TTC28: variants seen among roughly 807,000 people sequenced by gnomAD.
TTC28 encodes tetratricopeptide repeat protein 28.
Under a neutral mutation model 198.0 loss-of-function variants are expected in TTC28, and 61 were observed. The ratio of observed to expected loss-of-function variants is 0.31; its 90% CI spans 0.25 to 0.38. The LOEUF (loss-of-function observed/expected upper bound fraction) is 0.38, where lower values mean the gene tolerates loss of function less well. TTC28 is among the 10% of genes least tolerant of loss of function. TTC28 has a pLI of 1.00. For missense variants in TTC28, 2,678 were observed against 3,164.0 expected (o/e 0.85, Z 3.69); for synonymous variants, 1,171 against 1,297.8 (o/e 0.90, Z 2.10).
intron 5 of TTC28, among the ~76,000 whole-genome samples, chr22:28,210,448 C>G (rs1462404890): frequency 6.6e-6 from 1 of 152,046 alleles, no homozygotes; most frequent in East Asian, 1.9e-4. Flanking sequence ...CCTTAAATGA[C>G]CTGATGGAGC....
At chr22:28,554,099 T>A (rs1418542209) in intron 2 of TTC28, among the ~76,000 whole-genome samples, 1 of 152,190 alleles carries the variant, frequency 6.6e-6, no homozygotes, top group African/African-American at 2.4e-5. Context: ...CTCTGAAACA[T>A]GTGCTGTGTC....
At chr22:28,179,820 A>C (rs147561343) in intron 5 of TTC28, among the ~76,000 whole-genome samples, 1 of 152,260 alleles carries the variant, frequency 6.6e-6, no homozygotes, top group African/African-American at 2.4e-5. Flanking sequence ...GACCAATACA[A>C]TACTGAGCAT....
At chr22:28,361,324 T>C (rs1252376365) in intron 2 of TTC28, among the ~76,000 whole-genome samples, 1 of 152,182 alleles carries the variant, frequency 6.6e-6, no homozygotes, top group Non-Finnish European at 1.5e-5. Flanking sequence ...AGTGCTACTC[T>C]GGTGAACACA....
intron 12 of TTC28, among the ~76,000 whole-genome samples, chr22:28,088,261 T>G (rs1037276667): frequency 6.6e-6 from 1 of 152,110 alleles, no homozygotes; most frequent in Non-Finnish European, 1.5e-5. Flanking sequence ...GACTTCCAAC[T>G]ATACTACAAG....
chr22:28,492,143 G>A (rs1013885175), intron 2 of TTC28, among the ~76,000 whole-genome samples: 9 of 152,092 alleles, frequency 5.9e-5, no homozygotes, highest in African/African-American at 1.9e-4. Context: ...GATAGCATTA[G>A]GAGATATACC....
chr22:28,080,570 T>C (rs1010820349), intron 12 of TTC28, among the ~76,000 whole-genome samples: 4 of 151,000 alleles, frequency 2.6e-5, no homozygotes, highest in Non-Finnish European at 5.9e-5. Context: ...GTTGTAGGAG[T>C]TTTTATATAT....
In TTC28 at chr22:28,252,383, A is replaced by T. The variant is rs139785714; in HGVS notation, c.933+43815T>A. Among the ~76,000 whole-genome samples, 463 of 152,334 alleles carry T rather than the reference A, an allele frequency of 3.0e-3. 5 individuals carry two copies. Among genetic ancestry groups the T allele is most frequent in the African/African-American group, 0.011 (443 of 41,570 alleles). On this transcript the variant is annotated intron_variant, in intron 5 of 22. Transcript: ENST00000397906. The stretch of plus-strand genomic sequence containing the variant: ...AGAATGGCTGCAAGATCAAGAAAGG[A>T]GGGGAAGAGGTAGATGATGGTATAT...
At chr22:28,506,784 G>C (rs59262169) in intron 2 of TTC28, among the ~76,000 whole-genome samples, 1 of 152,148 alleles carries the variant, frequency 6.6e-6, no homozygotes, top group South Asian at 2.1e-4. Context: ...GGCAACTAGG[G>C]TCTGGAGCAG....
At chr22:28,052,705 T>C (rs1438877066) in intron 12 of TTC28, among the ~76,000 whole-genome samples, 2 of 152,246 alleles carry the variant, frequency 1.3e-5, no homozygotes, top group African/African-American at 4.8e-5. Flanking sequence ...TCTCGAGTGT[T>C]TTATTTCCTT....
intron 2 of TTC28, among the ~76,000 whole-genome samples, chr22:28,422,028 A>T (rs990114438): frequency 2.6e-5 from 4 of 152,008 alleles, no homozygotes; most frequent in African/African-American, 9.7e-5. Flanking sequence ...TTTGATGGGG[A>T]TGTTATGGTC....
At chr22:28,678,058 T>C (rs1341579222) in intron 1 of TTC28, among the ~76,000 whole-genome samples, 1 of 152,216 alleles carries the variant, frequency 6.6e-6, no homozygotes, top group Non-Finnish European at 1.5e-5. Flanking sequence ...CATATTTGCT[T>C]TGTCATAAAT....
At chr22:28,190,819 G>T (rs1294053280) in intron 5 of TTC28, among the ~76,000 whole-genome samples, 1 of 152,134 alleles carries the variant, frequency 6.6e-6, no homozygotes, top group Non-Finnish European at 1.5e-5. Flanking sequence ...GTTCCTTTGG[G>T]AGCTCGTGTT....
intron 2 of TTC28, 96 bp from the exon 3 acceptor site, chr22:28,306,739 T>G: frequency 1.5e-6 from 2 of 1,304,730 alleles, no homozygotes; most frequent in Non-Finnish European, 2.1e-6. Flanking sequence ...GAACTAAGAT[T>G]GAGATGTACT....
intron 2 of TTC28, among the ~76,000 whole-genome samples, chr22:28,378,360 A>T (rs1332504356): frequency 6.6e-6 from 1 of 151,596 alleles, no homozygotes; most frequent in Non-Finnish European, 1.5e-5. Flanking sequence ...AAAAAAAAAA[A>T]AAAGCTAAAA....
chr22:28,656,342 A>G (rs2051652374), intron 1 of TTC28, among the ~76,000 whole-genome samples: 1 of 152,206 alleles, frequency 6.6e-6, no homozygotes, highest in African/African-American at 2.4e-5. Flanking sequence ...CTGCAGAGAT[A>G]AAGAAATGTC....
intron 2 of TTC28, among the ~76,000 whole-genome samples, chr22:28,469,810 AT>A (rs775463277): frequency 6.6e-6 from 1 of 152,034 alleles, no homozygotes; most frequent in South Asian, 2.1e-4. Flanking sequence ...TTAATTTCTA[AT>A]TTTTTATTTC....
Position 27,983,155 on chromosome 22 carries a change from T to C in TTC28, c.6512A>G (p.Gln2171Arg), listed in dbSNP as rs1937082823. 1.9e-6 allele frequency: 3 copies of C among 1,551,734 alleles called. No individual in the cohort carries two copies. Among genetic ancestry groups the C allele is most frequent in the Middle Eastern group, 1.7e-4 (1 of 6,014 alleles). The part of the protein sequence containing the change: ...ELAQKILEET[Q>R]SHLIAVERLQ... ...ACGCTCCACCGCAATGAGATGACTC[T>C]GTGTCTCCTCCAGAATTTTCTGGGC... Residue 2171 changes from glutamine (Q) to arginine (R), a missense_variant, in exon 23 of 23, where the codon CAG becomes CGG. This residue lies in a region of TTC28 where 622 missense variants were observed against 656.0 expected (regional missense o/e 0.95). Coordinates refer to ENST00000397906, the MANE Select transcript of TTC28 (RefSeq NM_001145418.2).
chr22:28,323,446 G>T (rs2045478249), intron 2 of TTC28, among the ~76,000 whole-genome samples: 1 of 152,188 alleles, frequency 6.6e-6, no homozygotes, highest in South Asian at 2.1e-4. Flanking sequence ...AAAAGAAGCA[G>T]AAATTCTGGA....
At chr22:28,179,155 TTTTTG>T (rs1431044329) in intron 5 of TTC28, among the ~76,000 whole-genome samples, 1 of 150,270 alleles carries the variant, frequency 6.7e-6, no homozygotes, top group Non-Finnish European at 1.5e-5. Context: ...GTTTTTTGTT[TTTTTG>T]TTTTGTTTTT....
Sources: gnomAD v4.1 joint callset for allele counts (sites outside exome capture counted in the v4.1 genomes callset) on GRCh38, gnomAD v4.1.1 for gene constraint, gnomAD v4.1.1 regional missense constraint, MANE v1.5 for transcripts, NCBI Gene and HGNC (gene_info 2026-07-23, HGNC 2026-07-21) for gene names.